The following COL22A1 variants were observed in gnomAD, a reference collection of about 807,000 sequenced individuals.
COL22A1 encodes the protein collagen type XXII alpha 1 chain.
In COL22A1, 221 loss-of-function variants were observed where a neutral mutation model predicts 248.9. That is an observed-to-expected ratio of 0.89 (90% CI 0.80 to 0.99). COL22A1 has a LOEUF of 0.99. COL22A1 is among the 50% of genes least tolerant of loss of function. The pLI, the probability that COL22A1 is intolerant of heterozygous loss-of-function variation, is 0.00. For synonymous variants in COL22A1, 891 were observed against 793.4 expected (o/e 1.12, Z -2.07); for missense variants, 2,240 against 2,179.0 (o/e 1.03, Z -0.56).
At chr8:138,904,514 C>T (rs1814860696) in intron 1 of COL22A1, among the ~76,000 whole-genome samples, 1 of 152,166 alleles carries the variant, frequency 6.6e-6, no homozygotes, top group Admixed American at 6.5e-5. Flanking sequence ...ACCTTAACCA[C>T]TCTTTATTGT....
intron 10 of COL22A1, among the ~76,000 whole-genome samples, chr8:138,805,270 G>T (rs1817415083): frequency 7.2e-6 from 1 of 138,262 alleles, no homozygotes; most frequent in East Asian, 2.1e-4. Flanking sequence ...GCATGCATGT[G>T]TGTGTGTGTG....
intron 18 of COL22A1, among the ~76,000 whole-genome samples, chr8:138,757,814 A>G (rs1314922963): frequency 6.6e-6 from 1 of 152,166 alleles, no homozygotes; most frequent in Non-Finnish European, 1.5e-5. Flanking sequence ...CCTAGAATCA[A>G]TTTCTTCCCA....
rs779147504 is a variant in COL22A1 at position 138,877,873 on chromosome 8, C to T, written c.535G>A (p.Glu179Lys). The change falls in exon 3 of 65, where the codon GAG becomes AAG. Residue 179 changes from glutamate to lysine, a missense_variant. Physicochemically the swap from Glu to Lys is moderately conservative, Grantham distance 56 (BLOSUM62 1). Coordinates refer to ENST00000303045, the MANE Select transcript of COL22A1 (RefSeq NM_152888.3). ...TCCTCCAGCTCCTCCTTGAGTGCCT[C>T]GCCCACGCCCACGGCAAAGATGCGG... ...GIRIFAVGVG[E>K]ALKEELEEIA... 4.3e-6 allele frequency: 7 copies of T among 1,612,822 alleles called. No individual in the cohort carries two copies. The highest frequency in any genetic ancestry group is 5.9e-6 in the Non-Finnish European group (7 of 1,179,638).
chr8:138,722,083 G>A lies in COL22A1; in HGVS notation c.2254C>T (p.Pro752Ser), dbSNP rs200892281. 1 of 1,582,582 alleles carries A rather than the reference G, an allele frequency of 6.3e-7. No individual in the cohort carries two copies. The highest frequency in any genetic ancestry group is 8.6e-7 in the Non-Finnish European group (1 of 1,162,438). Residue 752 changes from proline (P) to serine (S), a missense_variant, in exon 26 of 65, where the codon CCT (proline) becomes TCT (serine). By Grantham distance (74) the Pro-to-Ser change is moderately conservative. Coordinates refer to ENST00000303045, the MANE Select transcript of COL22A1 (RefSeq NM_152888.3). ...GGTCCATTTGGCCCGTCCTTTCCAG[G>A]GGGTCCCTGGGCCAAGAGGGGAAAA... The part of the protein sequence containing the change: ...KPGPPGPTGP[P>S]GKDGPNGPPG...
chr8:138,771,250 C>A (rs1385681881), intron 16 of COL22A1, among the ~76,000 whole-genome samples: 1 of 152,180 alleles, frequency 6.6e-6, no homozygotes, highest in Non-Finnish European at 1.5e-5. Flanking sequence ...CCAAAGGAAG[C>A]TCCCACAGCA....
intron 33 of COL22A1, 85 bp downstream of exon 33, chr8:138,694,741 G>T: frequency 6.6e-7 from 1 of 1,504,530 alleles, no homozygotes; most frequent in Non-Finnish European, 9.2e-7. Context: ...TGGAATGCAC[G>T]GTGCAGATCT....
At chr8:138,879,616 G>T (rs60773786) in intron 2 of COL22A1, among the ~76,000 whole-genome samples, 2 of 150,258 alleles carry the variant, frequency 1.3e-5, no homozygotes, top group African/African-American at 4.9e-5. Flanking sequence ...CCTTTGAGCC[G>T]GGAGGTGGAG....
chr8:138,742,568 GTGA>G (rs1382560713), intron 22 of COL22A1, among the ~76,000 whole-genome samples: 4 of 151,176 alleles, frequency 2.6e-5, no homozygotes, highest in African/African-American at 4.9e-5. Context: ...GGTAGTGATA[GTGA>G]TGATGATGGT....
intron 16 of COL22A1, among the ~76,000 whole-genome samples, chr8:138,772,207 C>G (rs763366119): frequency 1.3e-4 from 20 of 152,336 alleles, no homozygotes; most frequent in Non-Finnish European, 1.0e-4. Context: ...CGCATGGGCC[C>G]GGTGCTCACC....
intron 51 of COL22A1, among the ~76,000 whole-genome samples, chr8:138,624,443 A>G (rs1305137642): frequency 6.6e-6 from 1 of 152,160 alleles, no homozygotes; most frequent in Non-Finnish European, 1.5e-5. Flanking sequence ...GGGAAGTAAC[A>G]TGATCAGATT....
intron 47 of COL22A1, among the ~76,000 whole-genome samples, chr8:138,642,157 G>C (rs537710922): frequency 6.6e-6 from 1 of 152,288 alleles, no homozygotes; most frequent in South Asian, 2.1e-4. Context: ...CTGGGTGCTG[G>C]TGTTGGTATC....
intron 3 of COL22A1, among the ~76,000 whole-genome samples, chr8:138,849,117 C>T (rs551986247): frequency 3.3e-5 from 5 of 152,150 alleles, no homozygotes; most frequent in African/African-American, 1.2e-4. Context: ...TTCAGACAGG[C>T]GACAGACACA....
At chr8:138,785,277 C>G (rs960417369) in intron 12 of COL22A1, among the ~76,000 whole-genome samples, 5 of 152,184 alleles carry the variant, frequency 3.3e-5, no homozygotes, top group Non-Finnish European at 7.3e-5. Context: ...AAAGTGGGCT[C>G]AGCTCCCAAC....
intron 30 of COL22A1, among the ~76,000 whole-genome samples, chr8:138,711,747 G>T (rs769451741): frequency 5.9e-5 from 9 of 152,190 alleles, no homozygotes; most frequent in Non-Finnish European, 7.3e-5. Context: ...TTGGAGGGGA[G>T]AAAGTAAACT....
At chr8:138,765,440 T>C (rs1833840247) in intron 16 of COL22A1, among the ~76,000 whole-genome samples, 1 of 152,200 alleles carries the variant, frequency 6.6e-6, no homozygotes, top group African/African-American at 2.4e-5. Context: ...TGATTTCCAG[T>C]CCTGAGTGCA....
intron 41 of COL22A1, among the ~76,000 whole-genome samples, chr8:138,666,697 T>C (rs975849087): frequency 6.6e-6 from 1 of 152,208 alleles, no homozygotes; most frequent in East Asian, 1.9e-4. Flanking sequence ...GGATGGTTTG[T>C]TATGGCCTGG....
At chr8:138,806,460 G>A (rs550985058) in intron 10 of COL22A1, among the ~76,000 whole-genome samples, 5 of 152,044 alleles carry the variant, frequency 3.3e-5, no homozygotes, top group African/African-American at 1.2e-4. Flanking sequence ...AAAAGAGAAA[G>A]AGAAAAGGCA....
At chr8:138,705,021 A>T (rs539807828) in intron 30 of COL22A1, among the ~76,000 whole-genome samples, 1 of 152,330 alleles carries the variant, frequency 6.6e-6, no homozygotes, top group South Asian at 2.1e-4. Context: ...AAGTGGAAGA[A>T]AGGGTATCAA....
chr8:138,638,037 CCTCATCATCATCATT>C (rs1446050183), intron 47 of COL22A1, among the ~76,000 whole-genome samples: 3 of 151,026 alleles, frequency 2.0e-5, no homozygotes, highest in South Asian at 4.2e-4. Context: ...TCACCATCAT[CCTCATCATCATCATT>C]GTCATCATTA....
Sources: gnomAD v4.1 joint callset for allele counts (sites outside exome capture counted in the v4.1 genomes callset) on GRCh38, gnomAD v4.1.1 for gene constraint, MANE v1.5 for transcripts, NCBI Gene and HGNC (gene_info 2026-07-23, HGNC 2026-07-21) for gene names.